The following DCDC2C variants were observed in gnomAD, a reference collection of about 807,000 sequenced individuals.
DCDC2C encodes doublecortin domain containing 2C, also known as doublecortin domain-containing protein 2C.
A neutral mutation model predicts 45.0 loss-of-function variants in DCDC2C; 44 were observed. That is an observed-to-expected ratio of 0.98 (90% CI 0.77 to 1.26). The LOEUF is 1.26. Among genes scored for constraint, DCDC2C ranks in the 50% most tolerant of loss-of-function variants. The pLI is 0.00. For synonymous variants in DCDC2C, 187 were observed against 178.8 expected, an observed-to-expected ratio of 1.05 and a Z score of -0.37; for missense variants, 447 against 468.9, an observed-to-expected ratio of 0.95 and a Z score of 0.43.
At chr2:3,744,267 A>G (rs1326850725) in intron 4 of DCDC2C, among the ~76,000 whole-genome samples, 2 of 152,184 alleles carry the variant, frequency 1.3e-5, no homozygotes, top group Non-Finnish European at 2.9e-5. Context: ...ATGGAGGCTC[A>G]TGGCACAGCA....
chr2:3,728,604 T>G (rs1668767695), intron 3 of DCDC2C, among the ~76,000 whole-genome samples: 1 of 152,198 alleles, frequency 6.6e-6, no homozygotes, highest in South Asian at 2.1e-4. Flanking sequence ...CCATCCTTTG[T>G]CTTGGTGTGT....
At chr2:3,733,718 A>G (rs565389136) in intron 3 of DCDC2C, among the ~76,000 whole-genome samples, 35 of 152,140 alleles carry the variant, frequency 2.3e-4, no homozygotes, top group Non-Finnish European at 4.1e-4. Context: ...CACTAATCCC[A>G]CTCGTGAACC....
intron 1 of DCDC2C, among the ~76,000 whole-genome samples, chr2:3,707,746 G>A (rs761965337): frequency 6.6e-6 from 1 of 152,216 alleles, no homozygotes; most frequent in African/African-American, 2.4e-5. Context: ...CACCCTTGGC[G>A]AGTGCCATCA....
intron 10 of DCDC2C, among the ~76,000 whole-genome samples, chr2:3,790,830 C>G (rs538992543): frequency 1.3e-5 from 2 of 152,068 alleles, no homozygotes; most frequent in African/African-American, 4.8e-5. Context: ...GGTTCTAGGC[C>G]GGGCGCGGTG....
chr2:3,790,670 T>C (rs1036150561), intron 10 of DCDC2C, among the ~76,000 whole-genome samples: 4 of 152,194 alleles, frequency 2.6e-5, no homozygotes, highest in African/African-American at 9.7e-5. Context: ...TACTACTCCA[T>C]CACCACAGCT....
Position 3,705,525 on chromosome 2 carries a change from T to C in DCDC2C, c.287+1487T>C, listed in dbSNP as rs186392862. Among the ~76,000 whole-genome samples the C allele has an allele frequency of 1.2e-4, 19 of 152,364 alleles. No homozygotes were observed. The East Asian group carries it at 1.9e-3, about 15-fold the overall frequency. ...AAACTGCCTTTAAAGTCCCTTTCGA[T>C]ACATATATAATGAAAAGTATTTAAT... On this transcript the variant is annotated intron_variant, in intron 1 of 10. Transcript: ENST00000399143.
At chr2:3,826,385 A>C (rs1402982496) in intron 10 of DCDC2C, among the ~76,000 whole-genome samples, 1 of 152,254 alleles carries the variant, frequency 6.6e-6, no homozygotes, top group Non-Finnish European at 1.5e-5. Flanking sequence ...TTTCTGGTGT[A>C]ACATATTAGC....
At chr2:3,796,820 C>T (rs1166855060) in intron 10 of DCDC2C, among the ~76,000 whole-genome samples, 1 of 150,694 alleles carries the variant, frequency 6.6e-6, no homozygotes, top group Non-Finnish European at 1.5e-5. Context: ...GGATATTGGT[C>T]TAAAATTCTC....
At chr2:3,809,578 C>T (rs1420271238) in intron 10 of DCDC2C, among the ~76,000 whole-genome samples, 1 of 152,090 alleles carries the variant, frequency 6.6e-6, no homozygotes, top group African/African-American at 2.4e-5. Flanking sequence ...ATCCTGAAAT[C>T]TTGATGAGAT....
At chr2:3,794,817 A>G (rs570867741) in intron 10 of DCDC2C, among the ~76,000 whole-genome samples, 6 of 152,346 alleles carry the variant, frequency 3.9e-5, no homozygotes, top group South Asian at 4.1e-4. Flanking sequence ...TAATGCCTCA[A>G]TAAACATACG....
chr2:3,706,283 G>C (rs1341049109), intron 1 of DCDC2C, among the ~76,000 whole-genome samples: 1 of 152,182 alleles, frequency 6.6e-6, no homozygotes, highest in Non-Finnish European at 1.5e-5. Context: ...GTGGTTTCAA[G>C]ATGGTGCATT....
intron 4 of DCDC2C, among the ~76,000 whole-genome samples, chr2:3,752,248 A>G (rs1669563275): frequency 6.6e-6 from 1 of 152,188 alleles, no homozygotes; most frequent in African/African-American, 2.4e-5. Context: ...TCATTGTCTT[A>G]TGCATATAGA....
intron 4 of DCDC2C, among the ~76,000 whole-genome samples, chr2:3,749,947 T>C (rs1055620982): frequency 2.6e-5 from 4 of 152,168 alleles, no homozygotes; most frequent in African/African-American, 9.6e-5. Context: ...GTTGAGTTTT[T>C]TCGGGTGCAT....
chr2:3,767,031 C>T (rs1217418480), intron 6 of DCDC2C, among the ~76,000 whole-genome samples: 2 of 152,220 alleles, frequency 1.3e-5, no homozygotes, highest in Non-Finnish European at 1.5e-5. Context: ...AGACTTTTCC[C>T]GCCTCCAGGC....
chr2:3,778,263 T>G (rs1220302638), intron 8 of DCDC2C, among the ~76,000 whole-genome samples: 1 of 152,238 alleles, frequency 6.6e-6, no homozygotes, highest in Non-Finnish European at 1.5e-5. Flanking sequence ...CAGCCTGTCC[T>G]GACTGCTACA....
chr2:3,786,367 C>T (rs1448402474), intron 10 of DCDC2C, among the ~76,000 whole-genome samples: 1 of 145,022 alleles, frequency 6.9e-6, no homozygotes, highest in Non-Finnish European at 1.5e-5. Flanking sequence ...CGCCTGTGCA[C>T]GGAGCCTCCG....
chr2:3,766,882 T>G (rs1007223528), intron 6 of DCDC2C, among the ~76,000 whole-genome samples: 10 of 152,238 alleles, frequency 6.6e-5, no homozygotes, highest in African/African-American at 2.4e-4. Flanking sequence ...TTAGTTTGAC[T>G]TAGGATTTTT....
chr2:3,799,265 C>T (rs1198007709), intron 10 of DCDC2C, among the ~76,000 whole-genome samples: 1 of 152,074 alleles, frequency 6.6e-6, no homozygotes, highest in Non-Finnish European at 1.5e-5. Flanking sequence ...TCTAGTTATA[C>T]ATTCTTCTAA....
chr2:3,797,198 G>T (rs917061701), intron 10 of DCDC2C, among the ~76,000 whole-genome samples: 10 of 152,212 alleles, frequency 6.6e-5, no homozygotes, highest in African/African-American at 2.4e-4. Flanking sequence ...TTGTATTTCT[G>T]TAGGATTGGT....
Sources: gnomAD v4.1 joint callset for allele counts (sites outside exome capture counted in the v4.1 genomes callset) on GRCh38, gnomAD v4.1.1 for gene constraint, MANE v1.5 for transcripts, NCBI Gene and HGNC (gene_info 2026-07-23, HGNC 2026-07-21) for gene names.